SOX9: variants seen among roughly 807,000 people sequenced by gnomAD.
SOX9 encodes SRY-box transcription factor 9, also known as transcription factor SOX-9.
Under a neutral mutation model 44.8 loss-of-function variants are expected in SOX9, and 2 were observed. The ratio of observed to expected loss-of-function variants is 0.04; its 90% confidence interval spans 0.02 to 0.14. The LOEUF (loss-of-function observed/expected upper bound fraction) is 0.14, where lower values mean the gene tolerates loss of function less well. Among genes scored for constraint, SOX9 ranks in the 10% least tolerant of loss-of-function variants. SOX9 has a pLI of 1.00. For missense variants in SOX9, 583 were observed against 728.6 expected (o/e 0.80, Z 2.30); for synonymous variants, 381 against 331.8 (o/e 1.15, Z -1.61).
rs769297621 is a variant in SOX9, at chr17:72,124,305, C to T, written c.1448C>T (p.Thr483Ile). Residue 483 changes from threonine to isoleucine, a missense_variant, in exon 3 of 3, where the codon ACC becomes ATC. Thr to Ile is a moderately conservative substitution (Grantham distance 89). This residue lies in a region of SOX9 where 349 missense variants were observed against 387.0 expected (regional missense o/e 0.90). Coordinates refer to ENST00000245479, the MANE Select transcript of SOX9 (RefSeq NM_000346.4). This position sits in a 1 kb window ranked among gnomAD's most constrained non-coding sequence, Gnocchi z 4.6. ...CCCATGTACACCCCCATCGCCGACA[C>T]CTCTGGGGTCCCTTCCATCCCGCAG... The part of the protein sequence containing the change: ...QRPMYTPIAD[T>I]SGVPSIPQTH... 1 of 1,607,428 alleles carries T rather than the reference C, an allele frequency of 6.2e-7. No individual in the cohort carries two copies. The highest frequency in any genetic ancestry group is 8.5e-7 in the Non-Finnish European group (1 of 1,179,966).
Position 72,126,215 on chromosome 17 carries a change from G to A in SOX9, c.*1828G>A, listed in dbSNP as rs989446684. 2.1e-5 allele frequency: 5 copies of A among 232,796 alleles called. 1 individual carries two copies. The Admixed American group carries it at 2.8e-4, about 13-fold the overall frequency. The allele number at this position is 232,796 out of a possible 1,614,324, so 14.4% of individuals were successfully genotyped here. Reference sequence around the variant, plus strand: ...CAGATCTTTTTAAAAAGATACTTCTGTAACTTAAGAAACCTGGCATTTAAA... The same window carrying A: ...CAGATCTTTTTAAAAAGATACTTCTATAACTTAAGAAACCTGGCATTTAAA... On this transcript the variant is annotated 3_prime_UTR_variant, in exon 3 of 3. Coordinates refer to ENST00000245479, the MANE Select transcript of SOX9 (RefSeq NM_000346.4).
At position 72,126,348 on chromosome 17, in the gene SOX9, T is replaced by A. The variant is rs1908283916; in HGVS notation, c.*1961T>A. The A allele has an allele frequency of 8.9e-6, 2 of 223,756 alleles. No homozygotes were observed. The highest frequency in any genetic ancestry group is 1.7e-5 in the Non-Finnish European group (2 of 115,740). 13.9% of individuals were successfully genotyped at this position (223,756 alleles called of 1,614,324 possible). ...TTTGTTCTCTCCGTGAAACTTACCT[T>A]TCCCTTTTTCTTTCTCTTTTTTTTT... On this transcript the variant is annotated 3_prime_UTR_variant, in exon 3 of 3. Transcript: ENST00000245479.
rs1567910848 is a variant in SOX9 at position 72,122,934 on chromosome 17, C to T, written c.647C>T (p.Ser216Phe). ...ALQADSPHSSSGMSEVHSPGE... is the reference protein window; with the variant it reads ...ALQADSPHSSFGMSEVHSPGE... ...CAGGCCGACTCGCCACACTCCTCCT[C>T]CGGCATGAGCGAGGTGCACTCCCCC... The change falls in exon 2 of 3, where the codon TCC becomes TTC. Residue 216 changes from serine to phenylalanine, a missense_variant. Around this residue, in one of 7 missense-constraint regions of SOX9, gnomAD observed 88 missense variants for 65.5 expected, o/e 1.34. Transcript: ENST00000245479. 1 of 1,614,046 alleles carries T rather than the reference C, an allele frequency of 6.2e-7. No homozygotes were observed.
rs1285180961 is a variant in SOX9, at chr17:72,123,376, C to T, written c.686-167C>T. ...AAGGGGGCTGTCCAGTGTGTACCGG[C>T]GGGTTAATCATTGGGCGACTTATCT... is the stretch of plus-strand genomic sequence containing the variant. On this transcript the variant is annotated intron_variant, in intron 2 of 2. Transcript: ENST00000245479. This position sits in a 1 kb window ranked among gnomAD's most constrained non-coding sequence, Gnocchi z 6.5. Among the ~76,000 whole-genome samples, 3 of 152,208 alleles carry T rather than the reference C, an allele frequency of 2.0e-5. No homozygotes were observed. Among genetic ancestry groups the T allele is most frequent in the Non-Finnish European group, 4.4e-5 (3 of 68,030 alleles).
chr17:72,121,209 G>C lies in SOX9; in HGVS notation c.-183G>C, dbSNP rs913379795. ...CCCCCCACTTGGAGCGGGCAGCTGT[G>C]AACTGGCCACCCCGCGCCTTCCTAA... is the stretch of plus-strand genomic sequence containing the variant. On this transcript the variant is annotated 5_prime_UTR_variant, in exon 1 of 3. Transcript: ENST00000245479. This position sits in a 1 kb window ranked among gnomAD's most constrained non-coding sequence, Gnocchi z 8.3. The C allele has an allele frequency of 3.2e-5, 20 of 619,282 alleles. No homozygotes were observed. The highest frequency in any genetic ancestry group is 5.4e-5 in the Non-Finnish European group (19 of 352,044). 38.4% of individuals were successfully genotyped at this position (619,282 alleles called of 1,614,324 possible).
At chr17:72,122,184 A>C (rs1276315864) in intron 1 of SOX9, among the ~76,000 whole-genome samples, 1 of 151,856 alleles carries the variant, frequency 6.6e-6, no homozygotes, top group African/African-American at 2.4e-5. Flanking sequence ...CCGGCCTCTT[A>C]AAACTGCACT....
Position 72,124,702 on chromosome 17 carries a change from G to A in SOX9, c.*315G>A, listed in dbSNP as rs1908230614. 1 of 497,428 alleles carries A rather than the reference G, an allele frequency of 2.0e-6. No individual in the cohort carries two copies. The highest frequency in any genetic ancestry group is 3.7e-6 in the Non-Finnish European group (1 of 271,736). The allele number at this position is 497,428 out of a possible 1,614,324, so 30.8% of individuals were successfully genotyped here. On this transcript the variant is annotated 3_prime_UTR_variant, in exon 3 of 3. Coordinates refer to ENST00000245479, the MANE Select transcript of SOX9 (RefSeq NM_000346.4). The surrounding 1 kb of genome is among the most constrained non-coding windows in gnomAD (Gnocchi z 4.6). ...TTTTTAAACCCTCTTCAGAGCAAGC[G>A]TGGAGGATGATGGAGAATCGTGTGA... is the stretch of plus-strand genomic sequence containing the variant.
At position 72,122,701 on chromosome 17, in the gene SOX9, C is replaced by G. The variant is rs757002587; in HGVS notation, c.432-18C>G. ...CTCTCCCTCTTTTTCTCTGTGCCCC[C>G]CGCCCCGCCCCGAGCAGACTTCTGA... On this transcript the variant is annotated intron_variant, in intron 1 of 2. Transcript: ENST00000245479. The G allele has an allele frequency of 1.2e-6, 2 of 1,612,448 alleles. No individual in the cohort carries two copies. Among genetic ancestry groups the G allele is most frequent in the East Asian group, 2.2e-5 (1 of 44,836 alleles).
Position 72,123,062 on chromosome 17 carries a change from CT to C in SOX9, c.685+93del. On this transcript the variant is annotated intron_variant, in intron 2 of 2. Coordinates refer to ENST00000245479, the MANE Select transcript of SOX9 (RefSeq NM_000346.4). The surrounding 1 kb of genome is among the most constrained non-coding windows in gnomAD (Gnocchi z 6.5). ...CCGCCTGGGAGATTCTTCGTGGGGACTTTATGCTTCCCGGGAGGGACACACT... is the reference window on the plus strand; with the variant it reads ...CCGCCTGGGAGATTCTTCGTGGGGACTTATGCTTCCCGGGAGGGACACACT... 6.6e-7 allele frequency: 1 copy of C among 1,522,350 alleles called. No individual in the cohort carries two copies. Among genetic ancestry groups the C allele is most frequent in the Non-Finnish European group, 9.0e-7 (1 of 1,115,546 alleles). The allele number at this position is 1,522,350 out of a possible 1,614,324, so 94.3% of individuals were successfully genotyped here. A position where few individuals can be genotyped will look rare whatever the true frequency, so the allele number is the denominator to read the frequency against.
rs2143257987 is a variant in SOX9, at chr17:72,124,290, C to A, written c.1433C>A (p.Thr478Asn). 1.2e-6 allele frequency: 2 copies of A among 1,610,190 alleles called. No homozygotes were observed. The highest frequency in any genetic ancestry group is 1.6e-4 in the Middle Eastern group (1 of 6,062). The change falls in exon 3 of 3, where the codon ACC becomes AAC. Residue 478 changes from threonine (T) to asparagine (N), a missense_variant. Physicochemically the swap from Thr to Asn is moderately conservative, Grantham distance 65. Coordinates refer to ENST00000245479, the MANE Select transcript of SOX9 (RefSeq NM_000346.4). This position sits in a 1 kb window ranked among gnomAD's most constrained non-coding sequence, Gnocchi z 4.6. ...AACCCCGCTCAGCGCCCCATGTACA[C>A]CCCCATCGCCGACACCTCTGGGGTC... ...YMNPAQRPMY[T>N]PIADTSGVPS...
rs949925221 is a variant in SOX9 at position 72,124,972 on chromosome 17, G to C, written c.*585G>C. 8.9e-6 allele frequency: 2 copies of C among 225,642 alleles called. No homozygotes were observed. Among genetic ancestry groups the C allele is most frequent in the African/African-American group, 4.5e-5 (2 of 44,574 alleles). 14.0% of individuals were successfully genotyped at this position (225,642 alleles called of 1,614,324 possible). A position where few individuals can be genotyped will look rare whatever the true frequency, so the allele number is the denominator to read the frequency against. ...TGCCCTAGCTTTTCTTGCAACCAGA[G>C]TATTTTTGTACAGATTTGCTTTCTC... On this transcript the variant is annotated 3_prime_UTR_variant, in exon 3 of 3. Coordinates refer to ENST00000245479, the MANE Select transcript of SOX9 (RefSeq NM_000346.4). This position sits in a 1 kb window ranked among gnomAD's most constrained non-coding sequence, Gnocchi z 4.6.
chr17:72,121,252 C>G lies in SOX9; in HGVS notation c.-140C>G. On this transcript the variant is annotated 5_prime_UTR_variant, in exon 1 of 3. Coordinates refer to ENST00000245479, the MANE Select transcript of SOX9 (RefSeq NM_000346.4). The surrounding 1 kb of genome is among the most constrained non-coding windows in gnomAD (Gnocchi z 8.3). ...CTTCCTAAGTGCTCGCCGCGGTAGC[C>G]GGCCGACGCGCCAGCTTCCCCGGGA... 3 of 755,668 alleles carry G rather than the reference C, an allele frequency of 4.0e-6. No individual in the cohort carries two copies. Among genetic ancestry groups the G allele is most frequent in the Non-Finnish European group, 4.3e-6 (2 of 461,808 alleles). 46.8% of individuals were successfully genotyped at this position (755,668 alleles called of 1,614,324 possible). A position where few individuals can be genotyped will look rare whatever the true frequency, so the allele number is the denominator to read the frequency against.
At position 72,121,413 on chromosome 17, in the gene SOX9, A is replaced by C. The variant is rs1221846522; in HGVS notation, c.22A>C (p.Met8Leu). MNLLDPF[M>L]KMTDEQEKGL... ...GCGTATGAATCTCCTGGACCCCTTC[A>C]TGAAGATGACCGACGAGCAGGAGAA... Residue 8 changes from methionine to leucine, a missense_variant, in exon 1 of 3, where the codon ATG becomes CTG. Around this residue, in one of 7 missense-constraint regions of SOX9, gnomAD observed 101 missense variants for 98.6 expected, o/e 1.02. Coordinates refer to ENST00000245479, the MANE Select transcript of SOX9 (RefSeq NM_000346.4). This position sits in a 1 kb window ranked among gnomAD's most constrained non-coding sequence, Gnocchi z 8.3. The C allele has an allele frequency of 2.5e-6, 4 of 1,612,638 alleles. No homozygotes were observed. In the African/African-American group the frequency reaches 4.0e-5, roughly 16 times the overall value.
rs2143251291 is a variant in SOX9, at chr17:72,123,677, G to A, written c.820G>A (p.Asp274Asn). 1.9e-6 allele frequency: 3 copies of A among 1,614,116 alleles called. No homozygotes were observed. The South Asian group carries it at 3.3e-5, about 18-fold the overall frequency. Residue 274 changes from aspartate to asparagine, a missense_variant, in exon 3 of 3, where the codon GAC (aspartate) becomes AAC (asparagine). Asp to Asn is a conservative substitution (Grantham distance 23). Transcript: ENST00000245479. The surrounding 1 kb of genome is among the most constrained non-coding windows in gnomAD (Gnocchi z 6.5). ...GCCCCCTATCGACTTCCGCGACGTG[G>A]ACATCGGCGAGCTGAGCAGCGACGT... Reference protein sequence around the residue: ...RQPPIDFRDVDIGELSSDVIS... With the variant: ...RQPPIDFRDVNIGELSSDVIS...
chr17:72,124,765 A>G lies in SOX9; in HGVS notation c.*378A>G. ...ATCTCTCTGCCTGTTTGGACTTTGT[A>G]ATTATTTTTTTAGCAGTAATTAAAG... On this transcript the variant is annotated 3_prime_UTR_variant, in exon 3 of 3. Transcript: ENST00000245479. This position sits in a 1 kb window ranked among gnomAD's most constrained non-coding sequence, Gnocchi z 4.6. 2.6e-6 allele frequency: 1 copy of G among 391,230 alleles called. No individual in the cohort carries two copies. Among genetic ancestry groups the G allele is most frequent in the South Asian group, 3.4e-5 (1 of 29,278 alleles). 24.2% of individuals were successfully genotyped at this position (391,230 alleles called of 1,614,324 possible).
In SOX9 at chr17:72,123,584, A is replaced by C. The variant is rs1908177815; in HGVS notation, c.727A>C (p.Thr243Pro). 3.1e-6 allele frequency: 5 copies of C among 1,613,044 alleles called. No individual in the cohort carries two copies. The highest frequency in any genetic ancestry group is 2.2e-5 in the East Asian group (1 of 44,814). ...ACCGACCCCACCCACCACCCCCAAA[A>C]CCGACGTGCAGCCGGGCAAGGCTGA... Reference protein sequence around the residue: ...GPPTPPTTPKTDVQPGKADLK... With the variant: ...GPPTPPTTPKPDVQPGKADLK... Residue 243 changes from threonine to proline, a missense_variant, in exon 3 of 3, where the codon ACC becomes CCC. By Grantham distance (38) the Thr-to-Pro change is conservative. Around this residue, in one of 7 missense-constraint regions of SOX9, gnomAD observed 5 missense variants for 22.4 expected, o/e 0.22. Transcript: ENST00000245479. The surrounding 1 kb of genome is among the most constrained non-coding windows in gnomAD (Gnocchi z 6.5).
At position 72,121,616 on chromosome 17, in the gene SOX9, G is replaced by A; in HGVS notation, c.225G>A (p.Glu75=). The A allele has an allele frequency of 2.5e-6, 4 of 1,603,324 alleles. No homozygotes were observed. The highest frequency in any genetic ancestry group is 3.4e-6 in the Non-Finnish European group (4 of 1,175,310). ...EEDKFPVCIR[E]AVSQVLKGYD... The stretch of plus-strand genomic sequence containing the variant: ...ACAAGTTCCCCGTGTGCATCCGCGA[G>A]GCGGTCAGCCAGGTGCTCAAAGGCT... Residue 75 remains glutamate, a synonymous_variant, in exon 1 of 3, where the codon GAG becomes GAA. Transcript: ENST00000245479. This position sits in a 1 kb window ranked among gnomAD's most constrained non-coding sequence, Gnocchi z 8.3.
rs1187474984 is a variant in SOX9 at position 72,124,322 on chromosome 17, A to G, written c.1465A>G (p.Ile489Val). ...CGCCGACACCTCTGGGGTCCCTTCC[A>G]TCCCGCAGACCCACAGCCCCCAGCA... ...PIADTSGVPS[I>V]PQTHSPQHWE... Residue 489 changes from isoleucine (I) to valine (V), a missense_variant, in exon 3 of 3, where the codon ATC (isoleucine) becomes GTC (valine). Ile to Val is a conservative substitution (Grantham distance 29). Around this residue, in one of 7 missense-constraint regions of SOX9, gnomAD observed 349 missense variants for 387.0 expected, o/e 0.90. Coordinates refer to ENST00000245479, the MANE Select transcript of SOX9 (RefSeq NM_000346.4). This position sits in a 1 kb window ranked among gnomAD's most constrained non-coding sequence, Gnocchi z 4.6. 1 of 1,604,258 alleles carries G rather than the reference A, an allele frequency of 6.2e-7. No individual in the cohort carries two copies. The highest frequency in any genetic ancestry group is 1.7e-5 in the Admixed American group (1 of 60,010).
Position 72,125,802 on chromosome 17 carries a change from T to A in SOX9, c.*1415T>A, listed in dbSNP as rs1485879928. 11 of 230,584 alleles carry A rather than the reference T, an allele frequency of 4.8e-5. No homozygotes were observed. The highest frequency in any genetic ancestry group is 2.0e-4 in the African/African-American group (9 of 45,182). The allele number at this position is 230,584 out of a possible 1,614,324, so 14.3% of individuals were successfully genotyped here. ...TTGTTGAAAACAAACTGGAAACTTG[T>A]TTCTTTTTTTGTATAAATGAGAGAT... On this transcript the variant is annotated 3_prime_UTR_variant, in exon 3 of 3. Coordinates refer to ENST00000245479, the MANE Select transcript of SOX9 (RefSeq NM_000346.4).
Sources: allele counts gnomAD v4.1 joint callset (sites outside exome capture counted in the v4.1 genomes callset), GRCh38; gene constraint gnomAD v4.1.1; regional missense constraint gnomAD v4.1.1; non-coding constraint Gnocchi (gnomAD v3.1); transcripts MANE v1.5; gene names NCBI Gene and HGNC (gene_info 2026-07-23, HGNC 2026-07-21).